The following XYLT1 variants were observed in gnomAD, a reference collection of about 807,000 sequenced individuals.
XYLT1 encodes the protein xylosyltransferase 1.
A neutral mutation model predicts 91.3 loss-of-function variants in XYLT1; 36 were observed. That is an observed-to-expected ratio of 0.39 (90% CI 0.30 to 0.52). The LOEUF is 0.52. Among genes scored for constraint, XYLT1 ranks in the 20% least tolerant of loss-of-function variants. XYLT1 has a pLI of 0.68. For missense variants in XYLT1, 1,242 were observed against 1,284.5 expected (o/e 0.97, Z 0.51); for synonymous variants, 588 against 532.0 (o/e 1.11, Z -1.45).
In XYLT1 at chr16:17,321,342, C is replaced by CTTTTTTTTTTTTTTTTT. The variant is rs10606202; in HGVS notation, c.402+36653_402+36669dup. Among the ~76,000 whole-genome samples, 17 of 43,624 alleles carry CTTTTTTTTTTTTTTTTT rather than the reference C, an allele frequency of 3.9e-4. 4 individuals carry two copies. The highest frequency in any genetic ancestry group is 4.1e-4 in the African/African-American group (5 of 12,124). 28.6% of individuals were successfully genotyped at this position (43,624 alleles called of 152,430 possible). A position where few individuals can be genotyped will look rare whatever the true frequency, so the allele number is the denominator to read the frequency against. ...GACAGTTCCCAAAGTACTAACTAGCCTTTTTTTTTTTTTTTTTTTTTTTTT... is the reference window on the plus strand; with the variant it reads ...GACAGTTCCCAAAGTACTAACTAGCCTTTTTTTTTTTTTTTTTTTTTTTTTTTTTTTTTTTTTTTTTT... On this transcript the variant is annotated intron_variant, in intron 2 of 11. Coordinates refer to ENST00000261381, the MANE Select transcript of XYLT1 (RefSeq NM_022166.4).
At chr16:17,287,971 G>A (rs2034166606) in intron 2 of XYLT1, among the ~76,000 whole-genome samples, 1 of 149,108 alleles carries the variant, frequency 6.7e-6, no homozygotes, top group Admixed American at 6.8e-5. Flanking sequence ...GTCTGGCTCT[G>A]TTGGCCAGCT....
chr16:17,460,981 T>A lies in XYLT1; in HGVS notation c.363+9453A>T, dbSNP rs570847335. Among the ~76,000 whole-genome samples the A allele has an allele frequency of 2.6e-5, 4 of 152,242 alleles. No homozygotes were observed. The East Asian group carries it at 7.7e-4, about 29-fold the overall frequency. ...ATCAAGCCCTGCCAGGTAGGTGCCA[T>A]CATGGCCCCTGTGCTTCAGACAAGG... On this transcript the variant is annotated intron_variant, in intron 1 of 11. Coordinates refer to ENST00000261381, the MANE Select transcript of XYLT1 (RefSeq NM_022166.4).
At chr16:17,401,057 G>C (rs555420945) in intron 1 of XYLT1, among the ~76,000 whole-genome samples, 1 of 152,034 alleles carries the variant, frequency 6.6e-6, no homozygotes, top group East Asian at 1.9e-4. Flanking sequence ...TTTAACATTA[G>C]TGTTTGACAA....
At chr16:17,254,178 G>A (rs2141752436) in intron 3 of XYLT1, among the ~76,000 whole-genome samples, 1 of 152,236 alleles carries the variant, frequency 6.6e-6, no homozygotes, top group South Asian at 2.1e-4. Context: ...GAACCACACG[G>A]GTCCATTTAT....
chr16:17,459,937 C>T (rs1240846644), intron 1 of XYLT1, among the ~76,000 whole-genome samples: 1 of 152,196 alleles, frequency 6.6e-6, no homozygotes, highest in African/African-American at 2.4e-5. Flanking sequence ...CGCAGACAAC[C>T]CCGTCTGAAC....
At chr16:17,310,129 A>G (rs916022953) in intron 2 of XYLT1, among the ~76,000 whole-genome samples, 2 of 152,050 alleles carry the variant, frequency 1.3e-5, no homozygotes, top group African/African-American at 4.8e-5. Context: ...CCCCAGCTAA[A>G]ATCCTTTCCT....
intron 2 of XYLT1, among the ~76,000 whole-genome samples, chr16:17,300,472 T>C (rs1280647179): frequency 7.8e-6 from 1 of 127,602 alleles, no homozygotes; most frequent in Non-Finnish European, 1.7e-5. Context: ...TTTTTTTTTT[T>C]TTGAGATGGA....
chr16:17,418,097 C>T (rs142186902), intron 1 of XYLT1, among the ~76,000 whole-genome samples: 8 of 152,338 alleles, frequency 5.3e-5, no homozygotes, highest in Admixed American at 2.0e-4. Context: ...CATCCAGCCA[C>T]GTCTAGTCAG....
intron 5 of XYLT1, among the ~76,000 whole-genome samples, chr16:17,171,872 A>T (rs2031827369): frequency 6.6e-6 from 1 of 152,258 alleles, no homozygotes; most frequent in African/African-American, 2.4e-5. Flanking sequence ...AAAATCATTT[A>T]AAAAACGGCC....
At chr16:17,209,324 A>T (rs2032715580) in intron 3 of XYLT1, among the ~76,000 whole-genome samples, 1 of 152,180 alleles carries the variant, frequency 6.6e-6, no homozygotes, top group African/African-American at 2.4e-5. Context: ...GTCGTAGCCT[A>T]TGTCAGAATT....
chr16:17,338,176 T>C (rs1487457458), intron 2 of XYLT1: 1 of 456,518 alleles, frequency 2.2e-6, no homozygotes. Context: ...AATGTCCCCT[T>C]TTCTGATTCC....
At chr16:17,282,282 C>T (rs1344557322) in intron 2 of XYLT1, among the ~76,000 whole-genome samples, 2 of 152,176 alleles carry the variant, frequency 1.3e-5, no homozygotes, top group East Asian at 1.9e-4. Flanking sequence ...TTCCCTACCC[C>T]CTGGCCAGTA....
chr16:17,295,220 T>G (rs533669690), intron 2 of XYLT1, among the ~76,000 whole-genome samples: 2 of 152,174 alleles, frequency 1.3e-5, no homozygotes, highest in Admixed American at 6.5e-5. Context: ...AAGCCTCACG[T>G]TGCTGGTGGA....
chr16:17,319,438 A>G (rs1370361506), intron 2 of XYLT1, among the ~76,000 whole-genome samples: 1 of 151,382 alleles, frequency 6.6e-6, no homozygotes, highest in Non-Finnish European at 1.5e-5. Context: ...TGAAACAGAG[A>G]CCATTCAGGA....
At position 17,447,312 on chromosome 16, in the gene XYLT1, G is replaced by GGCT. The variant is rs36097918; in HGVS notation, c.363+23119_363+23121dup. On this transcript the variant is annotated intron_variant, in intron 1 of 11. Transcript: ENST00000261381. Reference sequence around the variant, plus strand: ...GCCTGGGAGGGACCTGACAGCCAGGGGCTGCTCCCAGCCCACGTGATACAT... The same window carrying GGCT: ...GCCTGGGAGGGACCTGACAGCCAGGGGCTGCTGCTCCCAGCCCACGTGATACAT... Among the ~76,000 whole-genome samples the GGCT allele has an allele frequency of 6.1e-3, 933 of 152,288 alleles. 6 individuals are homozygous for GGCT. The highest frequency in any genetic ancestry group is 0.027 in the Middle Eastern group (8 of 294).
At chr16:17,221,222 T>C (rs531097299) in intron 3 of XYLT1, among the ~76,000 whole-genome samples, 4 of 152,206 alleles carry the variant, frequency 2.6e-5, no homozygotes, top group South Asian at 4.1e-4. Flanking sequence ...AGCTGACTGA[T>C]TGGCAAAAAA....
At chr16:17,113,498 C>T (rs1966846335) in intron 11 of XYLT1, among the ~76,000 whole-genome samples, 1 of 152,186 alleles carries the variant, frequency 6.6e-6, no homozygotes, top group South Asian at 2.1e-4. Context: ...ACCCTTCTTA[C>T]AGTCTTTTCT....
chr16:17,236,094 C>A (rs968280125), intron 3 of XYLT1, among the ~76,000 whole-genome samples: 2 of 152,086 alleles, frequency 1.3e-5, no homozygotes, highest in African/African-American at 2.4e-5. Context: ...CTGGAGATGC[C>A]TTTTTCATCA....
At chr16:17,368,354 G>A (rs1472295991) in intron 1 of XYLT1, among the ~76,000 whole-genome samples, 1 of 152,162 alleles carries the variant, frequency 6.6e-6, no homozygotes, top group Non-Finnish European at 1.5e-5. Flanking sequence ...CCTGCAGCCT[G>A]TCCCCTCAAC....
Sources: allele counts gnomAD v4.1 joint callset (sites outside exome capture counted in the v4.1 genomes callset), GRCh38; gene constraint gnomAD v4.1.1; transcripts MANE v1.5; gene names NCBI Gene and HGNC (gene_info 2026-07-23, HGNC 2026-07-21).